The following ADAMTS3 variants were observed in gnomAD, a reference collection of about 807,000 sequenced individuals.
The protein encoded by ADAMTS3 is A disintegrin and metalloproteinase with thrombospondin motifs 3.
In ADAMTS3, 73 loss-of-function variants were observed where a neutral mutation model predicts 129.0. That is an observed-to-expected ratio of 0.57 (90% CI 0.47 to 0.69). ADAMTS3 has a LOEUF of 0.69. Ranked by LOEUF, ADAMTS3 falls within the 30% of genes least tolerant of loss-of-function variation. ADAMTS3 has a pLI of 0.00. For missense variants in ADAMTS3, 1,457 were observed against 1,514.5 expected (o/e 0.96, Z 0.63); for synonymous variants, 477 against 510.8 (o/e 0.93, Z 0.89).
At chr4:72,529,723 T>A (rs1254147722) in intron 3 of ADAMTS3, among the ~76,000 whole-genome samples, 1 of 100,738 alleles carries the variant, frequency 9.9e-6, no homozygotes, top group Non-Finnish European at 1.9e-5. Context: ...TAATATATAT[T>A]AATTAATATA....
At chr4:72,473,685 G>A (rs1299511720) in intron 3 of ADAMTS3, among the ~76,000 whole-genome samples, 1 of 152,100 alleles carries the variant, frequency 6.6e-6, no homozygotes, top group East Asian at 1.9e-4. Context: ...AAGCCAAGTG[G>A]GGAGCTGGGA....
chr4:72,332,115 G>A (rs1719867179), intron 5 of ADAMTS3, among the ~76,000 whole-genome samples: 1 of 152,144 alleles, frequency 6.6e-6, no homozygotes, highest in Non-Finnish European at 1.5e-5. Context: ...GTAAGAAACG[G>A]ATTATAGATA....
At chr4:72,451,404 G>A (rs1279942176) in intron 3 of ADAMTS3, among the ~76,000 whole-genome samples, 2 of 151,758 alleles carry the variant, frequency 1.3e-5, no homozygotes, top group Non-Finnish European at 2.9e-5. Flanking sequence ...CAAAATGGAA[G>A]CAAACCATGA....
At chr4:72,527,081 C>A (rs1232308936) in intron 3 of ADAMTS3, among the ~76,000 whole-genome samples, 1 of 151,954 alleles carries the variant, frequency 6.6e-6, no homozygotes, top group African/African-American at 2.4e-5. Flanking sequence ...ATAAAACATC[C>A]ATGGTAACTC....
At chr4:72,286,381 C>G (rs1252782115) in intron 21 of ADAMTS3, among the ~76,000 whole-genome samples, 1 of 152,114 alleles carries the variant, frequency 6.6e-6, no homozygotes, top group African/African-American at 2.4e-5. Context: ...CAATACTTTC[C>G]AAAGTAAAAT....
At chr4:72,420,251 C>A (rs1383684383) in intron 3 of ADAMTS3, among the ~76,000 whole-genome samples, 1 of 152,160 alleles carries the variant, frequency 6.6e-6, no homozygotes, top group Non-Finnish European at 1.5e-5. Flanking sequence ...CCTCTCCGGC[C>A]TCATCTGCTC....
intron 4 of ADAMTS3, among the ~76,000 whole-genome samples, chr4:72,383,364 G>C (rs1435808960): frequency 6.6e-6 from 1 of 152,174 alleles, no homozygotes; most frequent in Non-Finnish European, 1.5e-5. Context: ...CTGATTGTAT[G>C]GCTTTTCTTT....
chr4:72,518,432 C>T (rs570076920), intron 3 of ADAMTS3, among the ~76,000 whole-genome samples: 167 of 152,144 alleles, frequency 1.1e-3, no homozygotes, highest in African/African-American at 3.5e-3. Flanking sequence ...ATGTTGACAG[C>T]GGGGTGTTAA....
intron 5 of ADAMTS3, among the ~76,000 whole-genome samples, chr4:72,324,704 T>C (rs1341077967): frequency 6.6e-6 from 1 of 152,170 alleles, no homozygotes; most frequent in Non-Finnish European, 1.5e-5. Context: ...TGCAGGCAGA[T>C]AGCTCATGCA....
At chr4:72,550,081 G>GGAAGAAGAAGAAGAAGAAGAAGAA (rs1182642409) in intron 2 of ADAMTS3, among the ~76,000 whole-genome samples, 3 of 26,042 alleles carry the variant, frequency 1.2e-4, no homozygotes, top group Admixed American at 7.0e-4. Context: ...AAGAGGAAGA[G>GGAAGAAGAAGAAGAAGAAGAAGAA]GAAGAAGAAG....
At chr4:72,549,239 A>T (rs2109788895) in intron 2 of ADAMTS3, among the ~76,000 whole-genome samples, 1 of 152,310 alleles carries the variant, frequency 6.6e-6, no homozygotes, top group Non-Finnish European at 1.5e-5. Flanking sequence ...GGCATAACTG[A>T]CATCTGCTAA....
intron 5 of ADAMTS3, among the ~76,000 whole-genome samples, chr4:72,324,377 GTCTTGAATGTAGACTGAAAGCATA>G (rs1432355052): frequency 6.6e-6 from 1 of 152,052 alleles, no homozygotes; most frequent in African/African-American, 2.4e-5. Context: ...AAAAATCAGG[GTCTTGAATGTAGACTGAAAGCATA>G]CTTACTGAAT....
intron 1 of ADAMTS3, 89 bp downstream of exon 1, chr4:72,568,605 G>T: frequency 1.0e-6 from 1 of 963,848 alleles, no homozygotes; most frequent in South Asian, 1.5e-5. Flanking sequence ...GGAGGAGAAG[G>T]AGGAAAGAGA....
In ADAMTS3 at chr4:72,339,544, A is replaced by G. The variant is rs764970584; in HGVS notation, c.811T>C (p.Phe271Leu). 1 of 1,613,912 alleles carries G rather than the reference A, an allele frequency of 6.2e-7. No homozygotes were observed. The highest frequency in any genetic ancestry group is 8.5e-7 in the Non-Finnish European group (1 of 1,179,884). Residue 271 changes from phenylalanine (F) to leucine (L), a missense_variant, in exon 5 of 22, where the codon TTC becomes CTC. Coordinates refer to ENST00000286657, the MANE Select transcript of ADAMTS3 (RefSeq NM_014243.3). ...LLGVDDSVVR[F>L]HGKEHVQNYL... ...TTTTGGACGTGCTCTTTGCCATGGA[A>G]ACGGACCACAGAGTCATCCACTCCC...
chr4:72,563,712 G>A (rs1721958752), intron 2 of ADAMTS3, among the ~76,000 whole-genome samples: 1 of 151,996 alleles, frequency 6.6e-6, no homozygotes, highest in African/African-American at 2.4e-5. Context: ...ATTTTCTTAG[G>A]GACCAATTCA....
intron 16 of ADAMTS3, 147 bp downstream of exon 16, chr4:72,305,840 A>T: frequency 1.4e-6 from 1 of 693,370 alleles, no homozygotes; most frequent in Non-Finnish European, 2.5e-6. Flanking sequence ...ACGTATGCAC[A>T]TGTACGTACA....
rs531804972 is a variant in ADAMTS3, at chr4:72,522,152, G to A, written c.504+26326C>T. ...GGGAGGGACATTTCACAATCAAATC[G>A]GAAATGGTACATCCTTCTCCTACAC... On this transcript the variant is annotated intron_variant, in intron 3 of 21. Coordinates refer to ENST00000286657, the MANE Select transcript of ADAMTS3 (RefSeq NM_014243.3). 1.2e-4 allele frequency among the ~76,000 whole-genome samples: 18 copies of A among 152,094 alleles called. No individual in the cohort carries two copies. The South Asian group carries it at 2.5e-3, about 21-fold the overall frequency.
At chr4:72,508,670 AT>A (rs1720228838) in intron 3 of ADAMTS3, among the ~76,000 whole-genome samples, 1 of 152,054 alleles carries the variant, frequency 6.6e-6, no homozygotes, top group Non-Finnish European at 1.5e-5. Context: ...TTCTATAAGA[AT>A]TTCTTAGGAG....
chr4:72,328,520 G>A (rs575549821), intron 5 of ADAMTS3, among the ~76,000 whole-genome samples: 17 of 152,248 alleles, frequency 1.1e-4, no homozygotes, highest in South Asian at 2.1e-4. Flanking sequence ...TGAGCTCTGC[G>A]TCAGACTGCC....
Sources: gnomAD v4.1 joint callset for allele counts (sites outside exome capture counted in the v4.1 genomes callset) on GRCh38, gnomAD v4.1.1 for gene constraint, MANE v1.5 for transcripts, NCBI Gene and HGNC (gene_info 2026-07-23, HGNC 2026-07-21) for gene names.